PPRC1: variants seen among roughly 807,000 people sequenced by gnomAD.
PPRC1 encodes the protein peroxisome proliferator-activated receptor gamma coactivator-related protein 1.
A neutral mutation model predicts 132.5 loss-of-function variants in PPRC1; 23 were observed. The ratio of observed to expected loss-of-function variants is 0.17; its 90% confidence interval spans 0.12 to 0.25. The LOEUF is 0.25. Among genes scored for constraint, PPRC1 ranks in the 10% least tolerant of loss-of-function variants. The pLI is 1.00. For synonymous variants in PPRC1, 872 were observed against 833.5 expected (o/e 1.05, Z -0.80); for missense variants, 2,006 against 2,089.1 (o/e 0.96, Z 0.78).
intron 4 of PPRC1, 52 bp downstream of exon 4, chr10:102,139,032 G>A: frequency 1.9e-6 from 3 of 1,602,290 alleles, no homozygotes; most frequent in Non-Finnish European, 2.6e-6. Context: ...GGAGGAGTGT[G>A]TGGGGACAGG....
chr10:102,130,871 G>A (rs1426575418), upstream of PPRC1, among the ~76,000 whole-genome samples: 3 of 151,874 alleles, frequency 2.0e-5, no homozygotes, highest in Non-Finnish European at 2.9e-5. Flanking sequence ...TGGGCAAGAT[G>A]TGAGACCCCC....
chr10:102,140,528 G>T lies in PPRC1; in HGVS notation c.2020G>T (p.Val674Phe), dbSNP rs1419527391. ...APVDLALVDP[V>F]PNDLTPVDPV... ...AGTTGATCTAGCACTGGTTGACCCT[G>T]TTCCTAATGACCTGACTCCAGTTGA... The change falls in exon 5 of 14, where the codon GTT becomes TTT. Residue 674 changes from valine to phenylalanine, a missense_variant. Transcript: ENST00000278070. 6.2e-7 allele frequency: 1 copy of T among 1,614,092 alleles called. No homozygotes were observed. Among genetic ancestry groups the T allele is most frequent in the Non-Finnish European group, 8.5e-7 (1 of 1,180,028 alleles).
In PPRC1 at chr10:102,150,108, AG is replaced by A; in HGVS notation, c.*80del. The A allele has an allele frequency of 8.4e-5, 85 of 1,008,064 alleles. No individual in the cohort carries two copies. Among genetic ancestry groups the A allele is most frequent in the Non-Finnish European group, 1.2e-4 (80 of 647,660 alleles). The allele number at this position is 1,008,064 out of a possible 1,614,324, so 62.4% of individuals were successfully genotyped here. ...CCACCCCCTTCCCCTACTCTAGGGG[AG>A]AGAGCTGCTAGTGAGATGACTGTTT... On this transcript the variant is annotated 3_prime_UTR_variant, in exon 14 of 14. Transcript: ENST00000278070.
At chr10:102,134,256 CTG>C in intron 1 of PPRC1, among the ~76,000 whole-genome samples, 1 of 152,116 alleles carries the variant, frequency 6.6e-6, no homozygotes, top group South Asian at 2.1e-4. Flanking sequence ...CACGCAGAAA[CTG>C]GGGTGGTCCG....
intron 5 of PPRC1, among the ~76,000 whole-genome samples, chr10:102,142,480 G>A (rs1282628269): frequency 6.4e-5 from 8 of 124,064 alleles, no homozygotes; most frequent in African/African-American, 1.6e-4. Context: ...GTGCAGTGGC[G>A]TGATCTCGGC....
At chr10:102,124,696 G>T in the PPRC1 span, among the ~76,000 whole-genome samples, 1 of 148,848 alleles carries the variant, frequency 6.7e-6, no homozygotes, top group East Asian at 2.0e-4. Flanking sequence ...AGGCTGGAGT[G>T]CAGTGATATG....
In PPRC1 at chr10:102,140,920, G is replaced by A; in HGVS notation, c.2412G>A (p.Lys804=). The change falls in exon 5 of 14, where the codon AAG becomes AAA. Residue 804 remains lysine, a synonymous_variant. Transcript: ENST00000278070. The stretch of plus-strand genomic sequence containing the variant: ...TCATCCCACCAGCCCCAGCCAAGAA[G>A]ACAGCTCTGCAGAGAAGCCCTGAAA... The part of the protein sequence containing the change: ...CLVIPPAPAK[K]TALQRSPETP... The A allele has an allele frequency of 6.2e-7, 1 of 1,614,014 alleles. No homozygotes were observed. Among genetic ancestry groups the A allele is most frequent in the South Asian group, 1.1e-5 (1 of 91,070 alleles).
At position 102,147,051 on chromosome 10, in the gene PPRC1, G is replaced by A. The variant is rs529047644; in HGVS notation, c.4059G>A (p.Pro1353=). 25 of 1,614,034 alleles carry A rather than the reference G, an allele frequency of 1.5e-5. No homozygotes were observed. Among genetic ancestry groups the A allele is most frequent in the Middle Eastern group, 1.6e-4 (1 of 6,062 alleles). The change falls in exon 9 of 14, where the codon CCG becomes CCA. Residue 1353 remains proline, a synonymous_variant. Transcript: ENST00000278070. The stretch of plus-strand genomic sequence containing the variant: ...CATGCATAGCTGCCTCCCGGGAGCC[G>A]CTTGATCACAGGACTAGCAGTGAGC... The part of the protein sequence containing the change: ...PPPCIAASRE[P]LDHRTSSEQA...
chr10:102,141,579 G>T lies in PPRC1; in HGVS notation c.3071G>T (p.Gly1024Val). The change falls in exon 5 of 14, where the codon GGC (glycine) becomes GTC (valine). Residue 1024 changes from glycine to valine, a missense_variant. Physicochemically the swap from Gly to Val is moderately radical, Grantham distance 109 (BLOSUM62 -3). Around this residue, in one of 2 missense-constraint regions of PPRC1, gnomAD observed 1,914 missense variants for 1,917.2 expected, o/e 1.00. Coordinates refer to ENST00000278070, the MANE Select transcript of PPRC1 (RefSeq NM_015062.5). ...PKMESRGTPA[G>V]PPENVLPLSM... Reference sequence around the variant, plus strand: ...ATGGAGTCTAGGGGCACTCCAGCTGGCCCTCCTGAAAATGTACTTCCCTTG... The same window carrying T: ...ATGGAGTCTAGGGGCACTCCAGCTGTCCCTCCTGAAAATGTACTTCCCTTG... 1.9e-6 allele frequency: 3 copies of T among 1,614,088 alleles called. No homozygotes were observed. The highest frequency in any genetic ancestry group is 2.5e-6 in the Non-Finnish European group (3 of 1,180,004).
At position 102,149,262 on chromosome 10, in the gene PPRC1, T is replaced by C. The variant is rs1428251083; in HGVS notation, c.4824T>C (p.Asp1608=). The C allele has an allele frequency of 6.2e-7, 1 of 1,612,684 alleles. No individual in the cohort carries two copies. Among genetic ancestry groups the C allele is most frequent in the East Asian group, 2.2e-5 (1 of 44,884 alleles). The change falls in exon 13 of 14, where the codon GAT becomes GAC. Residue 1608 remains aspartate, a synonymous_variant. Transcript: ENST00000278070. ...GTGGCCACAAGCTGCGGCAGGCAGA[T>C]GAGCAGCCCTTTGATCTCTGCTTTG... ...IESGHKLRQA[D]EQPFDLCFGG... is the part of the protein sequence containing the mutation.
chr10:102,133,603 A>G (rs2068604895), intron 1 of PPRC1, among the ~76,000 whole-genome samples: 1 of 151,400 alleles, frequency 6.6e-6, no homozygotes, highest in South Asian at 2.1e-4. Context: ...TCCCGGGAGA[A>G]CTTGTCTGCC....
chr10:102,141,291 A>C lies in PPRC1; in HGVS notation c.2783A>C (p.His928Pro), dbSNP rs771764347. Residue 928 changes from histidine (H) to proline (P), a missense_variant, in exon 5 of 14, where the codon CAT becomes CCT. Transcript: ENST00000278070. ...TTGCCATCCTGGCCTTGTTATCCTC[A>C]TGTGTCCCCTTCTGGCTATCCTTGC... ...APLPSWPCYPHVSPSGYPCLP... is the reference protein window; with the variant it reads ...APLPSWPCYPPVSPSGYPCLP... 1 of 1,612,618 alleles carries C rather than the reference A, an allele frequency of 6.2e-7. No homozygotes were observed. The highest frequency in any genetic ancestry group is 8.5e-7 in the Non-Finnish European group (1 of 1,179,654).
At chr10:102,132,623 A>G (rs775044073), upstream of PPRC1, among the ~76,000 whole-genome samples, 8 of 152,272 alleles carry the variant, frequency 5.3e-5, no homozygotes, top group Non-Finnish European at 1.2e-4. Flanking sequence ...TTGGAGCGCA[A>G]GTGCCCACTA....
Position 102,140,496 on chromosome 10 carries a change from C to T in PPRC1, c.1988C>T (p.Pro663Leu), listed in dbSNP as rs373049566. 31 of 1,614,034 alleles carry T rather than the reference C, an allele frequency of 1.9e-5. No homozygotes were observed. In the African/African-American group the frequency reaches 4.0e-4, roughly 21 times the overall value. Residue 663 changes from proline (P) to leucine (L), a missense_variant, in exon 5 of 14, where the codon CCA becomes CTA. Pro to Leu is a moderately conservative substitution (Grantham distance 98). Around this residue, in one of 2 missense-constraint regions of PPRC1, gnomAD observed 1,914 missense variants for 1,917.2 expected, o/e 1.00. Coordinates refer to ENST00000278070, the MANE Select transcript of PPRC1 (RefSeq NM_015062.5). ...LPPVDAVPSGPAPVDLALVDP... is the reference protein window; with the variant it reads ...LPPVDAVPSGLAPVDLALVDP... ...CCAGTTGATGCTGTCCCGTCTGGCC[C>T]AGCACCAGTTGATCTAGCACTGGTT...
At chr10:102,124,404 C>T in the PPRC1 span, among the ~76,000 whole-genome samples, 1 of 152,010 alleles carries the variant, frequency 6.6e-6, no homozygotes, top group South Asian at 2.1e-4. Flanking sequence ...CACTCTGTTG[C>T]CCAGGCTGGA....
rs199811671 is a variant in PPRC1, at chr10:102,145,012, C to G, written c.3609-8C>G. On this transcript the variant is annotated splice_region_variant and splice_polypyrimidine_tract_variant and intron_variant, in intron 7 of 13. Transcript: ENST00000278070. ...TGAATCAGGCTTTCCCTTTTCCCCC[C>G]CCGCCAGCGGCGTTGACATTCCCCA... 1.1e-5 allele frequency: 17 copies of G among 1,567,592 alleles called. No individual in the cohort carries two copies. Among genetic ancestry groups the G allele is most frequent in the East Asian group, 2.2e-5 (1 of 44,488 alleles).
At chr10:102,122,644 AAAC>A in the PPRC1 span, among the ~76,000 whole-genome samples, 3 of 151,984 alleles carry the variant, frequency 2.0e-5, no homozygotes, top group Non-Finnish European at 4.4e-5. Flanking sequence ...CACTCATTCC[AAAC>A]AACTAGCTTG....
At position 102,141,362 on chromosome 10, in the gene PPRC1, G is replaced by T; in HGVS notation, c.2854G>T (p.Ala952Ser). The T allele has an allele frequency of 1.2e-6, 2 of 1,613,994 alleles. No individual in the cohort carries two copies. Among genetic ancestry groups the T allele is most frequent in the Non-Finnish European group, 1.7e-6 (2 of 1,180,000 alleles). ...TVPLVSGTPGAYAVPPTCSVP... is the reference protein window; with the variant it reads ...TVPLVSGTPGSYAVPPTCSVP... Reference sequence around the variant, plus strand: ...GCCCCTAGTGTCTGGTACTCCTGGTGCCTATGCCGTGCCTCCCACTTGCAG... The same window carrying T: ...GCCCCTAGTGTCTGGTACTCCTGGTTCCTATGCCGTGCCTCCCACTTGCAG... The change falls in exon 5 of 14, where the codon GCC (alanine) becomes TCC (serine). Residue 952 changes from alanine to serine, a missense_variant. Around this residue, in one of 2 missense-constraint regions of PPRC1, gnomAD observed 1,914 missense variants for 1,917.2 expected, o/e 1.00. Coordinates refer to ENST00000278070, the MANE Select transcript of PPRC1 (RefSeq NM_015062.5).
In PPRC1 at chr10:102,139,648, G is replaced by C. The variant is rs752483760; in HGVS notation, c.1140G>C (p.Ser380=). ...PGPRPVLLDD[S]LETSSALQLL... ...CCCGGCCTGTGCTCCTGGATGACTCGCTAGAGACTAGTTCTGCCTTGCAGC... is the reference window on the plus strand; with the variant it reads ...CCCGGCCTGTGCTCCTGGATGACTCCCTAGAGACTAGTTCTGCCTTGCAGC... The change falls in exon 5 of 14, where the codon TCG becomes TCC. Residue 380 remains serine, a synonymous_variant. Transcript: ENST00000278070. 6.2e-7 allele frequency: 1 copy of C among 1,613,966 alleles called. No individual in the cohort carries two copies. The highest frequency in any genetic ancestry group is 1.7e-5 in the Admixed American group (1 of 60,016).
Sources: gnomAD v4.1 joint callset for allele counts (sites outside exome capture counted in the v4.1 genomes callset) on GRCh38, gnomAD v4.1.1 for gene constraint, gnomAD v4.1.1 regional missense constraint, MANE v1.5 for transcripts, NCBI Gene and HGNC (gene_info 2026-07-23, HGNC 2026-07-21) for gene names.